Variants in RCN3 observed in about 807,000 individuals in gnomAD.
RCN3 encodes the protein reticulocalbin-3.
RCN3 carries 41 observed loss-of-function variants against 35.9 expected under a neutral mutation model. The observed-to-expected ratio is 1.14, with a 90% CI of 0.89 to 1.48. The LOEUF (loss-of-function observed/expected upper bound fraction) is 1.48. Ranked by LOEUF, RCN3 falls within the 40% of genes most tolerant of loss-of-function variation. The pLI, the probability that RCN3 is intolerant of heterozygous loss-of-function variation, is 0.00. For missense variants in RCN3, 451 were observed against 471.3 expected (o/e 0.96, Z 0.40); for synonymous variants, 187 against 193.4 (o/e 0.97, Z 0.27).
intron 3 of RCN3, 22 bp from the exon 4 acceptor site, chr19:49,537,011 A>G (rs1027028802): frequency 2.7e-6 from 4 of 1,497,480 alleles, no homozygotes; most frequent in Admixed American, 4.4e-5. Flanking sequence ...AGCTCATCTC[A>G]CTGAGACCTG....
At chr19:49,538,744 A>G (rs1047529481) in intron 4 of RCN3, among the ~76,000 whole-genome samples, 1 of 152,226 alleles carries the variant, frequency 6.6e-6, no homozygotes, top group African/African-American at 2.4e-5. Flanking sequence ...ATGTTCACAC[A>G]TAAAGCAGAG....
At position 49,543,461 on chromosome 19, in the gene RCN3, A is replaced by C. The variant is rs115485202; in HGVS notation, c.*248A>C. ...TTTCTGACTGAGTCTCCCAGCCCAG[A>C]CCCAGGGACCCTTGGCCCCAAGCTC... On this transcript the variant is annotated 3_prime_UTR_variant, in exon 7 of 7. Coordinates refer to ENST00000270645, the MANE Select transcript of RCN3 (RefSeq NM_020650.3). The C allele has an allele frequency of 2.5e-3, 1,283 of 523,640 alleles. 13 individuals carry two copies. The highest frequency in any genetic ancestry group is 0.017 in the African/African-American group (882 of 52,236). 32.4% of individuals were successfully genotyped at this position (523,640 alleles called of 1,614,324 possible). A position where few individuals can be genotyped will look rare whatever the true frequency, so the allele number is the denominator to read the frequency against.
At chr19:49,537,646 A>G (rs2080142977) in intron 4 of RCN3, among the ~76,000 whole-genome samples, 2 of 151,830 alleles carry the variant, frequency 1.3e-5, no homozygotes, top group Non-Finnish European at 2.9e-5. Context: ...AGCTGGGATT[A>G]CAGGGGCGCA....
intron 3 of RCN3, among the ~76,000 whole-genome samples, chr19:49,535,873 T>TATATATAG (rs1555811318): frequency 0.011 from 1,587 of 144,714 alleles, 32 homozygotes; most frequent in African/African-American, 0.039. Context: ...TATATATATA[T>TATATATAG]ATAGATAGAT....
At chr19:49,538,388 C>T (rs2122734442) in intron 4 of RCN3, among the ~76,000 whole-genome samples, 1 of 149,896 alleles carries the variant, frequency 6.7e-6, no homozygotes, top group Admixed American at 6.7e-5. Context: ...AGGATGGTCT[C>T]GATCTCCTGA....
At chr19:49,541,366 TGGGAAGAGGCA>T (rs1449756669) in intron 5 of RCN3, among the ~76,000 whole-genome samples, 2 of 152,236 alleles carry the variant, frequency 1.3e-5, no homozygotes, top group African/African-American at 4.8e-5. Flanking sequence ...CTGAAGACAA[TGGGAAGAGGCA>T]GGGCTAGGAT....
chr19:49,543,280 G>GC lies in RCN3; in HGVS notation c.*72dup. 7.7e-7 allele frequency: 1 copy of GC among 1,303,088 alleles called. No homozygotes were observed. Among genetic ancestry groups the GC allele is most frequent in the Non-Finnish European group, 1.1e-6 (1 of 913,162 alleles). 80.7% of individuals were successfully genotyped at this position (1,303,088 alleles called of 1,614,324 possible). ...CCGGAGGAGGGGCCGCTGTGGTCTG[G>GC]CCCCCTCCCTGTCCAGGCCCCGCAG... is the stretch of plus-strand genomic sequence containing the variant. On this transcript the variant is annotated 3_prime_UTR_variant, in exon 7 of 7. Transcript: ENST00000270645.
At chr19:49,535,967 T>C (rs758440724) in intron 3 of RCN3, among the ~76,000 whole-genome samples, 22 of 148,398 alleles carry the variant, frequency 1.5e-4, no homozygotes, top group Non-Finnish European at 2.2e-4. Flanking sequence ...TATATACAAA[T>C]TATATATAAA....
chr19:49,533,971 A>T lies in RCN3; in HGVS notation c.243-222A>T, dbSNP rs2080121512. ...CTCCCAGCAGGCCCGCTCGTTCTGG[A>T]GAAGGGCGTGACTCGACCTGGGGGT... is the stretch of plus-strand genomic sequence containing the variant. On this transcript the variant is annotated intron_variant, in intron 2 of 6. Coordinates refer to ENST00000270645, the MANE Select transcript of RCN3 (RefSeq NM_020650.3). Among the ~76,000 whole-genome samples, 3 of 151,840 alleles carry T rather than the reference A, an allele frequency of 2.0e-5. No individual in the cohort carries two copies. The South Asian group carries it at 6.2e-4, about 32-fold the overall frequency.
At position 49,543,565 on chromosome 19, in the gene RCN3, C is replaced by G; in HGVS notation, c.*352C>G. On this transcript the variant is annotated 3_prime_UTR_variant, in exon 7 of 7. Coordinates refer to ENST00000270645, the MANE Select transcript of RCN3 (RefSeq NM_020650.3). The stretch of plus-strand genomic sequence containing the variant: ...TAGACTGAAACTCCCCTGGCCCCAG[C>G]CCTCTCCTGCCTGGCCTGGCCTGGG... The G allele has an allele frequency of 7.3e-6, 2 of 275,030 alleles. No homozygotes were observed. The highest frequency in any genetic ancestry group is 1.4e-5 in the Non-Finnish European group (2 of 140,026). 17.0% of individuals were successfully genotyped at this position (275,030 alleles called of 1,614,324 possible). A position where few individuals can be genotyped will look rare whatever the true frequency, so the allele number is the denominator to read the frequency against.
At position 49,537,352 on chromosome 19, in the gene RCN3, G is replaced by T. The variant is rs1601215394; in HGVS notation, c.618+147G>T. On this transcript the variant is annotated intron_variant, in intron 4 of 6. Transcript: ENST00000270645. ...CCGGGGAAGCCAGGCCGCAAACACA[G>T]GTCAGAGGACGGTGACCTTTCCCAC... 7.8e-6 allele frequency: 6 copies of T among 764,790 alleles called. No individual in the cohort carries two copies. In the East Asian group the frequency reaches 1.9e-4, roughly 24 times the overall value. 47.4% of individuals were successfully genotyped at this position (764,790 alleles called of 1,614,324 possible). A position where few individuals can be genotyped will look rare whatever the true frequency, so the allele number is the denominator to read the frequency against.
rs1182818327 is a variant in RCN3, at chr19:49,534,250, C to T, written c.300C>T (p.Ala100=). 1 of 1,470,306 alleles carries T rather than the reference C, an allele frequency of 6.8e-7. No homozygotes were observed. Among genetic ancestry groups the T allele is most frequent in the Non-Finnish European group, 9.0e-7 (1 of 1,115,416 alleles). 91.1% of individuals were successfully genotyped at this position (1,470,306 alleles called of 1,614,324 possible). A position where few individuals can be genotyped will look rare whatever the true frequency, so the allele number is the denominator to read the frequency against. The change falls in exon 3 of 7, where the codon GCC becomes GCT. Residue 100 remains alanine (A), a synonymous_variant. Coordinates refer to ENST00000270645, the MANE Select transcript of RCN3 (RefSeq NM_020650.3). ...ACGGCGACGGCTGGGTGTCGCTGGCCGAGCTTCGCGCGTGGATCGCGCACA... is the reference window on the plus strand; with the variant it reads ...ACGGCGACGGCTGGGTGTCGCTGGCTGAGCTTCGCGCGTGGATCGCGCACA... ...AGDGDGWVSL[A]ELRAWIAHTQ... is the part of the protein sequence containing the mutation.
intron 5 of RCN3, among the ~76,000 whole-genome samples, chr19:49,541,200 G>A (rs924886317): frequency 1.3e-4 from 19 of 151,958 alleles, no homozygotes; most frequent in African/African-American, 4.6e-4. Flanking sequence ...AAAGTGCTGG[G>A]ATTACAGGCG....
chr19:49,534,184 G>A lies in RCN3; in HGVS notation c.243-9G>A, dbSNP rs1331476555. On this transcript the variant is annotated splice_polypyrimidine_tract_variant and intron_variant, in intron 2 of 6. Coordinates refer to ENST00000270645, the MANE Select transcript of RCN3 (RefSeq NM_020650.3). ...CCAGAGCCTGACGTGTGCCCGCCCCGGCTTCTAGGCGGATCGTGGACCGCA... is the reference window on the plus strand; with the variant it reads ...CCAGAGCCTGACGTGTGCCCGCCCCAGCTTCTAGGCGGATCGTGGACCGCA... 11 of 1,481,854 alleles carry A rather than the reference G, an allele frequency of 7.4e-6. No homozygotes were observed. The highest frequency in any genetic ancestry group is 2.9e-5 in the African/African-American group (2 of 68,470). The allele number at this position is 1,481,854 out of a possible 1,614,324, so 91.8% of individuals were successfully genotyped here. A position where few individuals can be genotyped will look rare whatever the true frequency, so the allele number is the denominator to read the frequency against.
rs951467204 is a variant in RCN3 at position 49,543,360 on chromosome 19, G to T, written c.*147G>T. ...GCCCCTGGGCTCTCAGGGACCCCCT[G>T]GGTCGGCTTCTGTCCCTGTCACACC... On this transcript the variant is annotated 3_prime_UTR_variant, in exon 7 of 7. Transcript: ENST00000270645. 26 of 687,914 alleles carry T rather than the reference G, an allele frequency of 3.8e-5. No homozygotes were observed. Among genetic ancestry groups the T allele is most frequent in the Non-Finnish European group, 6.4e-5 (25 of 391,200 alleles). 42.6% of individuals were successfully genotyped at this position (687,914 alleles called of 1,614,324 possible). A position where few individuals can be genotyped will look rare whatever the true frequency, so the allele number is the denominator to read the frequency against.
chr19:49,536,897 C>T, intron 3 of RCN3, 136 bp from the exon 4 acceptor site: 1 of 738,368 alleles, frequency 1.4e-6, no homozygotes, highest in Non-Finnish European at 2.0e-6. Flanking sequence ...TGAGCCACTG[C>T]ATCCAGCCTA....
intron 2 of RCN3, among the ~76,000 whole-genome samples, chr19:49,530,785 C>A (rs370871478): frequency 6.6e-6 from 1 of 152,234 alleles, no homozygotes; most frequent in South Asian, 2.1e-4. Flanking sequence ...CATGAGCCAC[C>A]GCACCCGGCT....
At chr19:49,542,838 G>A in intron 6 of RCN3, 86 bp downstream of exon 6, 6 of 1,283,640 alleles carry the variant, frequency 4.7e-6, no homozygotes, top group Non-Finnish European at 6.4e-6. Context: ...TGGGCCTGGA[G>A]CTCAGGGTCC....
intron 1 of RCN3, 179 bp downstream of exon 1, chr19:49,528,237 G>A (rs1003266521): frequency 8.7e-6 from 4 of 458,126 alleles, no homozygotes; most frequent in African/African-American, 8.0e-5. Flanking sequence ...GGCAGGTCTG[G>A]GACCCCCCTG....
Sources: allele counts gnomAD v4.1 joint callset (sites outside exome capture counted in the v4.1 genomes callset), GRCh38; gene constraint gnomAD v4.1.1; transcripts MANE v1.5; gene names NCBI Gene and HGNC (gene_info 2026-07-23, HGNC 2026-07-21).